The following IL1RL1 variants were observed in gnomAD, a reference collection of about 807,000 sequenced individuals.
IL1RL1 encodes interleukin-1 receptor-like 1.
In IL1RL1, 32 loss-of-function variants were observed where a neutral mutation model predicts 50.9. The observed-to-expected ratio is 0.63, with a 90% CI of 0.47 to 0.84. The LOEUF is 0.84. Ranked by LOEUF, IL1RL1 falls within the 40% of genes least tolerant of loss-of-function variation. The pLI is 0.00. For missense variants in IL1RL1, 773 were observed against 662.9 expected (o/e 1.17, Z -1.82); for synonymous variants, 275 against 236.0 (o/e 1.17, Z -1.51).
At chr2:102,348,338 C>T (rs562771569) in intron 9 of IL1RL1, among the ~76,000 whole-genome samples, 135 of 152,270 alleles carry the variant, frequency 8.9e-4, no homozygotes, top group Non-Finnish European at 1.5e-3. Context: ...ATTGCTATTC[C>T]TACTGAGTTC....
intron 1 of IL1RL1, among the ~76,000 whole-genome samples, chr2:102,326,265 G>A (rs1676994861): frequency 6.6e-6 from 1 of 152,140 alleles, no homozygotes; most frequent in African/African-American, 2.4e-5. Context: ...CTTCATAAGT[G>A]AAGGAGAAAT....
At chr2:102,320,513 C>T (rs982538280) in intron 1 of IL1RL1, among the ~76,000 whole-genome samples, 6 of 152,114 alleles carry the variant, frequency 3.9e-5, no homozygotes, top group South Asian at 2.1e-4. Context: ...TCCTGAATTT[C>T]AGAAGCAGAT....
rs748300584 is a variant in IL1RL1, at chr2:102,351,595, AC to A, written c.1349del (p.Pro450LeufsTer28). ...GAGCAGGCGGCACATTTTCATCCTG[AC>A]CCCTCAGATCACTCACAATAAGGAG... is the stretch of plus-strand genomic sequence containing the variant. The part of the protein sequence containing the change: ...RKSRRHIFIL[T>X]PQITHNKEFA... On this transcript the variant is annotated frameshift_variant, in exon 11 of 11. Transcript: ENST00000233954. LOFTEE classifies it low-confidence loss of function (END_TRUNC). The A allele has an allele frequency of 1.2e-6, 2 of 1,613,964 alleles. No homozygotes were observed. The highest frequency in any genetic ancestry group is 2.2e-5 in the South Asian group (2 of 91,076).
chr2:102,343,460 C>T (rs1429736957), intron 8 of IL1RL1, 45 bp downstream of exon 8: 2 of 1,614,004 alleles, frequency 1.2e-6, no homozygotes, highest in South Asian at 2.2e-5. Flanking sequence ...CTTTCTCTAG[C>T]AAGTGTAAGC....
intron 9 of IL1RL1, 141 bp from the exon 10 acceptor site, chr2:102,348,938 A>G (rs1252464924): frequency 1.6e-6 from 1 of 623,774 alleles, no homozygotes; most frequent in Non-Finnish European, 2.8e-6. Flanking sequence ...TTTGACGTCA[A>G]CATCTCTTGA....
chr2:102,349,126 T>C lies in IL1RL1; in HGVS notation c.1165T>C (p.Ser389Pro). 1 of 1,613,760 alleles carries C rather than the reference T, an allele frequency of 6.2e-7. No homozygotes were observed. The highest frequency in any genetic ancestry group is 8.5e-7 in the Non-Finnish European group (1 of 1,179,656). ...AYVVYPRNYK[S>P]STDGASRVEH... ...TGTTGTCTACCCACGGAACTACAAA[T>C]CCAGTACAGATGGGGCCAGTCGTGT... Residue 389 changes from serine to proline, a missense_variant, in exon 10 of 11, where the codon TCC becomes CCC. Transcript: ENST00000233954.
Position 102,351,777 on chromosome 2 carries a change from C to T in IL1RL1, c.1527C>T (p.Thr509=). ...SLQHLMKVQG[T]IKWREDHIAN... is the part of the protein sequence containing the mutation. Reference sequence around the variant, plus strand: ...AGCATCTTATGAAAGTACAGGGGACCATCAAGTGGAGGGAGGACCACATTG... The same window carrying T: ...AGCATCTTATGAAAGTACAGGGGACTATCAAGTGGAGGGAGGACCACATTG... Residue 509 remains threonine, a synonymous_variant, in exon 11 of 11, where the codon ACC becomes ACT. Coordinates refer to ENST00000233954, the MANE Select transcript of IL1RL1 (RefSeq NM_016232.5). 6.2e-7 allele frequency: 1 copy of T among 1,614,024 alleles called. No homozygotes were observed. The highest frequency in any genetic ancestry group is 8.5e-7 in the Non-Finnish European group (1 of 1,179,972).
intron 7 of IL1RL1, 23 bp downstream of exon 7, chr2:102,343,200 C>T: frequency 6.2e-7 from 1 of 1,613,458 alleles, no homozygotes; most frequent in South Asian, 1.1e-5. Flanking sequence ...TGAAGAGAAC[C>T]ATCCTCTTCC....
Position 102,351,842 on chromosome 2 carries a change from T to C in IL1RL1, c.1592T>C (p.Val531Ala). ...RSLNSKFWKH[V>A]RYQMPVPSKI... ...CTGAATTCTAAATTCTGGAAGCACG[T>C]GAGGTACCAAATGCCTGTGCCAAGC... is the stretch of plus-strand genomic sequence containing the variant. The change falls in exon 11 of 11, where the codon GTG (valine) becomes GCG (alanine). Residue 531 changes from valine (V) to alanine (A), a missense_variant. By Grantham distance (64) the Val-to-Ala change is moderately conservative. Transcript: ENST00000233954. 6.2e-7 allele frequency: 1 copy of C among 1,613,846 alleles called. No homozygotes were observed. Among genetic ancestry groups the C allele is most frequent in the Non-Finnish European group, 8.5e-7 (1 of 1,179,806 alleles).
intron 1 of IL1RL1, among the ~76,000 whole-genome samples, chr2:102,321,314 TG>T (rs1234732834): frequency 6.6e-6 from 1 of 152,238 alleles, no homozygotes; most frequent in Non-Finnish European, 1.5e-5. Context: ...AGGAGATTTT[TG>T]TTTCCCTTTG....
intron 1 of IL1RL1, among the ~76,000 whole-genome samples, chr2:102,322,944 G>A (rs1050279441): frequency 6.6e-6 from 1 of 151,962 alleles, no homozygotes; most frequent in Admixed American, 6.6e-5. Context: ...TTTTTCAGGA[G>A]CAAGGCTTTA....
chr2:102,329,719 C>G (rs545784687), intron 1 of IL1RL1, among the ~76,000 whole-genome samples: 1 of 152,278 alleles, frequency 6.6e-6, no homozygotes, highest in Non-Finnish European at 1.5e-5. Context: ...ATTTATGCAG[C>G]CAAAAGACAC....
Position 102,351,583 on chromosome 2 carries a change from A to G in IL1RL1, c.1333A>G (p.Ile445Val), listed in dbSNP as rs1677934668. ...CAACATACGAAAGAGCAGGCGGCAC[A>G]TTTTCATCCTGACCCCTCAGATCAC... is the stretch of plus-strand genomic sequence containing the variant. ...ETNIRKSRRHIFILTPQITHN... is the reference protein window; with the variant it reads ...ETNIRKSRRHVFILTPQITHN... Residue 445 changes from isoleucine to valine, a missense_variant, in exon 11 of 11, where the codon ATT (isoleucine) becomes GTT (valine). Coordinates refer to ENST00000233954, the MANE Select transcript of IL1RL1 (RefSeq NM_016232.5). 5.6e-6 allele frequency: 9 copies of G among 1,614,092 alleles called. No individual in the cohort carries two copies. Among genetic ancestry groups the G allele is most frequent in the Non-Finnish European group, 6.8e-6 (8 of 1,179,962 alleles).
chr2:102,345,555 G>T (rs552630658), intron 8 of IL1RL1: 11 of 985,318 alleles, frequency 1.1e-5, no homozygotes, highest in Non-Finnish European at 1.3e-5. Flanking sequence ...ACAGAGAGAG[G>T]CACAACAGGA....
At position 102,343,348 on chromosome 2, in the gene IL1RL1, C is replaced by A. The variant is rs745635768; in HGVS notation, c.903C>A (p.Tyr301Ter). 1.2e-6 allele frequency: 2 copies of A among 1,614,030 alleles called. No individual in the cohort carries two copies. Among genetic ancestry groups the A allele is most frequent in the African/African-American group, 1.3e-5 (1 of 74,912 alleles). ...AGGAAGAGGATTTATTGCTGCAGTA[C>A]GACTGTCTGGCCCTGAATTTGCATG... is the stretch of plus-strand genomic sequence containing the variant. ...DVKEEDLLLQYDCLALNLHGL... is the reference protein window; with the variant it reads ...DVKEEDLLLQ Residue 301 changes from tyrosine (Y) to a stop codon, truncating the protein, a stop_gained, in exon 8 of 11, where the codon TAC (tyrosine) becomes TAA (stop). Transcript: ENST00000233954. LOFTEE classifies it high-confidence loss of function.
chr2:102,322,948 G>A (rs1433005273), intron 1 of IL1RL1, among the ~76,000 whole-genome samples: 1 of 151,978 alleles, frequency 6.6e-6, no homozygotes, highest in African/African-American at 2.4e-5. Context: ...TCAGGAGCAA[G>A]GCTTTATTAT....
chr2:102,351,052 G>T lies in IL1RL1; in HGVS notation c.1286-484G>T, dbSNP rs989789102. Among the ~76,000 whole-genome samples the T allele has an allele frequency of 3.3e-5, 5 of 152,106 alleles. 1 individual carries two copies. Among genetic ancestry groups the T allele is most frequent in the Non-Finnish European group, 7.4e-5 (5 of 68,018 alleles). ...CAGTTTCTACAACAGAGATTAATGG[G>T]GGTGAAGTAAAGTCAGGACTTACTT... On this transcript the variant is annotated intron_variant, in intron 10 of 10. Coordinates refer to ENST00000233954, the MANE Select transcript of IL1RL1 (RefSeq NM_016232.5).
At chr2:102,327,923 G>C in intron 1 of IL1RL1, among the ~76,000 whole-genome samples, 1 of 152,104 alleles carries the variant, frequency 6.6e-6, no homozygotes, top group East Asian at 1.9e-4. Flanking sequence ...TTCTACCAGA[G>C]GTACAAGGAG....
intron 1 of IL1RL1, among the ~76,000 whole-genome samples, chr2:102,327,245 T>G (rs1473981715): frequency 6.6e-6 from 1 of 152,124 alleles, no homozygotes; most frequent in East Asian, 1.9e-4. Context: ...AACCTGCTCC[T>G]GAATGACTAC....
Sources: allele counts gnomAD v4.1 joint callset (sites outside exome capture counted in the v4.1 genomes callset), GRCh38; gene constraint gnomAD v4.1.1; transcripts MANE v1.5; gene names NCBI Gene and HGNC (gene_info 2026-07-23, HGNC 2026-07-21).